The following ZNF804A variants were observed in gnomAD, a reference collection of about 807,000 sequenced individuals.
ZNF804A encodes the protein zinc finger protein 804A.
ZNF804A carries 2 observed loss-of-function variants against 16.5 expected under a neutral mutation model. That is an observed-to-expected ratio of 0.12 (90% CI 0.05 to 0.38). The LOEUF (loss-of-function observed/expected upper bound fraction) is 0.38, where lower values mean the gene tolerates loss of function less well. ZNF804A is among the 10% of genes least tolerant of loss of function. The pLI, the probability that ZNF804A is intolerant of heterozygous loss-of-function variation, is 0.99. For synonymous variants in ZNF804A, 534 were observed against 489.6 expected (o/e 1.09, Z -1.20); for missense variants, 1,473 against 1,390.7 (o/e 1.06, Z -0.94).
intron 1 of ZNF804A, among the ~76,000 whole-genome samples, chr2:184,833,481 G>A (rs1695297190): frequency 6.6e-6 from 1 of 152,062 alleles, no homozygotes; most frequent in South Asian, 2.1e-4. Context: ...CCTCAGAACA[G>A]AATATGCAAT....
chr2:184,821,184 C>G (rs1253142034), intron 1 of ZNF804A, among the ~76,000 whole-genome samples: 1 of 152,020 alleles, frequency 6.6e-6, no homozygotes. Context: ...GCTGCAGTAA[C>G]CAAACAGCAT....
chr2:184,895,139 A>G (rs766459651), intron 2 of ZNF804A, among the ~76,000 whole-genome samples: 31 of 151,994 alleles, frequency 2.0e-4, no homozygotes, highest in Non-Finnish European at 3.8e-4. Context: ...ATAATACACG[A>G]AACTACACAA....
chr2:184,901,389 A>G (rs760768423), intron 2 of ZNF804A, among the ~76,000 whole-genome samples: 11 of 152,162 alleles, frequency 7.2e-5, no homozygotes, highest in Non-Finnish European at 1.5e-4. Flanking sequence ...CCAGGCTTAT[A>G]TGGGACCTTT....
intron 1 of ZNF804A, among the ~76,000 whole-genome samples, chr2:184,736,711 A>AG (rs376038152): frequency 6.6e-6 from 1 of 152,024 alleles, no homozygotes; most frequent in African/African-American, 2.4e-5. Context: ...AATTAAAAAA[A>AG]GAAAAAGGAA....
chr2:184,922,580 C>T (rs1314813232), intron 2 of ZNF804A, among the ~76,000 whole-genome samples: 1 of 151,942 alleles, frequency 6.6e-6, no homozygotes, highest in African/African-American at 2.4e-5. Flanking sequence ...GTTTTCTTTG[C>T]TGTGCAGAAG....
intron 1 of ZNF804A, among the ~76,000 whole-genome samples, chr2:184,849,260 T>TC (rs1695566866): frequency 6.6e-6 from 1 of 151,992 alleles, no homozygotes; most frequent in South Asian, 2.1e-4. Context: ...TTTTGCAAGC[T>TC]CCCATACCAT....
At chr2:184,852,582 A>G (rs75535815) in intron 1 of ZNF804A, among the ~76,000 whole-genome samples, 9,725 of 150,000 alleles carry the variant, frequency 0.065, 1,057 homozygotes, top group African/African-American at 0.22. Flanking sequence ...TTACAGTGTC[A>G]GGGCTTATGC....
chr2:184,640,019 TAATA>T (rs1179857343), intron 1 of ZNF804A, among the ~76,000 whole-genome samples: 1 of 151,646 alleles, frequency 6.6e-6, no homozygotes, highest in Non-Finnish European at 1.5e-5. Flanking sequence ...TAAATTAATT[TAATA>T]AATAAATAAA....
Position 184,654,180 on chromosome 2 carries a change from C to A in ZNF804A, c.111+55110C>A, listed in dbSNP as rs1055608524. Reference sequence around the variant, plus strand: ...TATATCTTCAGCTTTTGCTATAGCCCGGTTCTGATGCCATCATTTGTGTTT... The same window carrying A: ...TATATCTTCAGCTTTTGCTATAGCCAGGTTCTGATGCCATCATTTGTGTTT... On this transcript the variant is annotated intron_variant, in intron 1 of 3. Transcript: ENST00000302277. 2.6e-5 allele frequency among the ~76,000 whole-genome samples: 4 copies of A among 152,144 alleles called. No homozygotes were observed. The East Asian group carries it at 7.7e-4, about 29-fold the overall frequency.
At chr2:184,783,418 G>A (rs1694403139) in intron 1 of ZNF804A, among the ~76,000 whole-genome samples, 1 of 151,686 alleles carries the variant, frequency 6.6e-6, no homozygotes, top group Non-Finnish European at 1.5e-5. Flanking sequence ...GCTTTTGGAA[G>A]AGCAATAAAA....
chr2:184,726,957 T>C (rs181939337), intron 1 of ZNF804A, among the ~76,000 whole-genome samples: 319 of 151,708 alleles, frequency 2.1e-3, no homozygotes, highest in Middle Eastern at 0.02. Flanking sequence ...AATTTAGAAG[T>C]TGAATGCTCT....
At chr2:184,646,003 G>T (rs1291140229) in intron 1 of ZNF804A, among the ~76,000 whole-genome samples, 1 of 152,156 alleles carries the variant, frequency 6.6e-6, no homozygotes, top group Non-Finnish European at 1.5e-5. Context: ...GAGTGAACTT[G>T]TGAGAAACTT....
intron 1 of ZNF804A, among the ~76,000 whole-genome samples, chr2:184,647,213 G>A (rs1010412012): frequency 6.6e-6 from 1 of 152,164 alleles, no homozygotes; most frequent in African/African-American, 2.4e-5. Flanking sequence ...AAACAACAAT[G>A]ATAATATGGC....
intron 1 of ZNF804A, among the ~76,000 whole-genome samples, chr2:184,747,060 G>T (rs996790194): frequency 6.6e-5 from 10 of 151,054 alleles, no homozygotes; most frequent in African/African-American, 1.9e-4. Flanking sequence ...AGCCTTCAAA[G>T]ATATCAGCCC....
At chr2:184,699,508 G>C (rs1328978437) in intron 1 of ZNF804A, among the ~76,000 whole-genome samples, 2 of 152,068 alleles carry the variant, frequency 1.3e-5, no homozygotes, top group East Asian at 3.9e-4. Context: ...CATTGTCAAT[G>C]TGGACTTCAG....
chr2:184,829,760 A>T (rs1364819663), intron 1 of ZNF804A, among the ~76,000 whole-genome samples: 1 of 151,540 alleles, frequency 6.6e-6, no homozygotes, highest in African/African-American at 2.4e-5. Flanking sequence ...CTATTTTAAA[A>T]CTTATAAAAT....
intron 1 of ZNF804A, among the ~76,000 whole-genome samples, chr2:184,806,117 A>G (rs1018886617): frequency 6.6e-6 from 1 of 151,948 alleles, no homozygotes; most frequent in East Asian, 1.9e-4. Context: ...ATTTTTTTGT[A>G]TCCATCACTA....
intron 1 of ZNF804A, among the ~76,000 whole-genome samples, chr2:184,745,484 T>C (rs1693775116): frequency 1.3e-5 from 2 of 151,650 alleles, no homozygotes; most frequent in African/African-American, 4.8e-5. Flanking sequence ...GTTTTACTGA[T>C]GCGGTTTTTC....
At chr2:184,703,544 G>T (rs760273278) in intron 1 of ZNF804A, among the ~76,000 whole-genome samples, 1 of 151,770 alleles carries the variant, frequency 6.6e-6, no homozygotes, top group Non-Finnish European at 1.5e-5. Flanking sequence ...AAAAAAATTA[G>T]CCGGGCGTGG....
Sources: gnomAD v4.1 joint callset for allele counts (sites outside exome capture counted in the v4.1 genomes callset) on GRCh38, gnomAD v4.1.1 for gene constraint, MANE v1.5 for transcripts, NCBI Gene and HGNC (gene_info 2026-07-23, HGNC 2026-07-21) for gene names.